Variants in PCDHGA1 observed in about 807,000 individuals in gnomAD.
The protein encoded by PCDHGA1 is protocadherin gamma-A1.
In PCDHGA1, 32 loss-of-function variants were observed where a neutral mutation model predicts 58.0. The observed-to-expected ratio is 0.55, with a 90% CI of 0.42 to 0.74. The LOEUF (loss-of-function observed/expected upper bound fraction) is 0.74. Among genes scored for constraint, PCDHGA1 ranks in the 30% least tolerant of loss-of-function variants. PCDHGA1 has a pLI of 0.00. For missense variants in PCDHGA1, 1,205 were observed against 1,182.3 expected (o/e 1.02, Z -0.28); for synonymous variants, 498 against 501.1 (o/e 0.99, Z 0.08).
chr5:141,502,475 A>G (rs1246548191), intron 2 of PCDHGA1, among the ~76,000 whole-genome samples: 1 of 150,884 alleles, frequency 6.6e-6, no homozygotes, highest in Non-Finnish European at 1.5e-5. Context: ...TTCCCGCAGC[A>G]TCACACTGGG....
intron 1 of PCDHGA1, chr5:141,423,597 G>A: frequency 6.2e-7 from 1 of 1,613,188 alleles, no homozygotes; most frequent in Non-Finnish European, 8.5e-7. Context: ...AGAAAAGCGA[G>A]CCACTCTTGA....
chr5:141,339,115 C>A, intron 1 of PCDHGA1: 1 of 1,614,234 alleles, frequency 6.2e-7, no homozygotes, highest in Non-Finnish European at 8.5e-7. Context: ...TAGGCAACAT[C>A]GCCAAGGACT....
At chr5:141,467,748 G>A (rs186276272) in intron 1 of PCDHGA1, among the ~76,000 whole-genome samples, 22 of 151,912 alleles carry the variant, frequency 1.4e-4, no homozygotes, top group South Asian at 2.1e-4. Context: ...TGCAACCTCC[G>A]CCTCACATGC....
chr5:141,485,539 G>C lies in PCDHGA1; in HGVS notation c.2422-9268G>C, dbSNP rs370323886. The C allele has an allele frequency of 9.9e-6, 16 of 1,613,986 alleles. No homozygotes were observed. In the African/African-American group the frequency reaches 2.0e-4, roughly 20 times the overall value. On this transcript the variant is annotated intron_variant, in intron 1 of 3. Transcript: ENST00000517417. This position sits in a 1 kb window ranked among gnomAD's most constrained non-coding sequence, Gnocchi z 5.7. ...TGGAAATGTACCGAGCAGAGGTAGA[G>C]ATCGTAGATGTGAATGATCACGCCC... is the stretch of plus-strand genomic sequence containing the variant.
At chr5:141,444,115 AG>A (rs1206374963) in intron 1 of PCDHGA1, among the ~76,000 whole-genome samples, 3 of 147,326 alleles carry the variant, frequency 2.0e-5, no homozygotes, top group Admixed American at 2.0e-4. Context: ...AGAAAAGTGA[AG>A]TATCTCAACA....
intron 1 of PCDHGA1, among the ~76,000 whole-genome samples, chr5:141,358,064 C>T (rs1760807784): frequency 6.6e-6 from 1 of 152,118 alleles, no homozygotes; most frequent in African/African-American, 2.4e-5. Flanking sequence ...GTGGTGTGTG[C>T]CCGTAGTCCC....
intron 1 of PCDHGA1, chr5:141,352,602 C>T (rs759443418): frequency 6.2e-7 from 1 of 1,613,658 alleles, no homozygotes; most frequent in South Asian, 1.1e-5. Context: ...TGTGATGATC[C>T]TTCTATGGTT....
intron 1 of PCDHGA1, among the ~76,000 whole-genome samples, chr5:141,443,876 G>C (rs2098409251): frequency 6.6e-6 from 1 of 152,152 alleles, no homozygotes; most frequent in South Asian, 2.1e-4. Flanking sequence ...TTACTGATAA[G>C]TCAAGAGAAA....
intron 1 of PCDHGA1, chr5:141,403,538 C>T (rs781129314): frequency 1.5e-5 from 24 of 1,613,874 alleles, no homozygotes; most frequent in Non-Finnish European, 1.5e-5. Flanking sequence ...AGAGCTGGTG[C>T]TGGAGCGCGC....
intron 1 of PCDHGA1, among the ~76,000 whole-genome samples, chr5:141,438,579 CATACATACATACAT>C (rs1434774868): frequency 9.0e-5 from 5 of 55,782 alleles, no homozygotes; most frequent in Admixed American, 2.8e-4. Context: ...GATATACATA[CATACATACATACAT>C]ATATATATAT....
chr5:141,391,797 A>G (rs1283933191), intron 1 of PCDHGA1: 1 of 152,180 alleles, frequency 6.6e-6, no homozygotes, highest in African/African-American at 2.4e-5. Context: ...AGTTTTTTAG[A>G]TCAAAGTGTT....
intron 3 of PCDHGA1, among the ~76,000 whole-genome samples, chr5:141,506,429 A>G (rs1406730781): frequency 7.0e-6 from 1 of 143,144 alleles, no homozygotes; most frequent in Non-Finnish European, 1.5e-5. Flanking sequence ...CCTGGGCAAC[A>G]GTCTCGCTCT....
intron 1 of PCDHGA1, chr5:141,395,105 G>T: frequency 1.9e-6 from 3 of 1,614,220 alleles, no homozygotes; most frequent in Non-Finnish European, 2.5e-6. Context: ...CCGACTCGCG[G>T]AAGAGTCACC....
At chr5:141,392,945 C>A in intron 1 of PCDHGA1, 2 of 1,613,916 alleles carry the variant, frequency 1.2e-6, no homozygotes, top group Non-Finnish European at 1.7e-6. Flanking sequence ...AAGGCTCCTT[C>A]GTGGGTAATA....
rs368925514 is a variant in PCDHGA1, at chr5:141,352,224, C to A, written c.2421+19119C>A. The A allele has an allele frequency of 2.0e-4, 321 of 1,613,974 alleles. No homozygotes were observed. Among genetic ancestry groups the A allele is most frequent in the Non-Finnish European group, 2.7e-4 (316 of 1,179,916 alleles). ...CAGCCGCCACTCTCCGCCACCGCCA[C>A]GCTGCACCTAATCTTCGCGGATAGC... On this transcript the variant is annotated intron_variant, in intron 1 of 3. Coordinates refer to ENST00000517417, the MANE Select transcript of PCDHGA1 (RefSeq NM_018912.3).
rs775270875 is a variant in PCDHGA1 at position 141,410,577 on chromosome 5, A to G, written c.2421+77472A>G. ...TCTCCTGGAGCCTTAATTCCACCTCATGGTGGGGAGGATTTGACTTCACAT... is the reference window on the plus strand; with the variant it reads ...TCTCCTGGAGCCTTAATTCCACCTCGTGGTGGGGAGGATTTGACTTCACAT... On this transcript the variant is annotated intron_variant, in intron 1 of 3. Coordinates refer to ENST00000517417, the MANE Select transcript of PCDHGA1 (RefSeq NM_018912.3). 4 of 1,610,116 alleles carry G rather than the reference A, an allele frequency of 2.5e-6. No homozygotes were observed. In the Admixed American group the frequency reaches 5.0e-5, roughly 20 times the overall value.
chr5:141,485,134 C>G lies in PCDHGA1; in HGVS notation c.2422-9673C>G, dbSNP rs967744072. 1.3e-6 allele frequency: 2 copies of G among 1,495,962 alleles called. No individual in the cohort carries two copies. Among genetic ancestry groups the G allele is most frequent in the South Asian group, 2.4e-5 (2 of 84,482 alleles). 92.7% of individuals were successfully genotyped at this position (1,495,962 alleles called of 1,614,324 possible). ...CTGTTTGGGGCGGGTCGGCTTCATC[C>G]GCGTCTCAGGAGCAAGTAGAGAATT... On this transcript the variant is annotated intron_variant, in intron 1 of 3. Transcript: ENST00000517417. The surrounding 1 kb of genome is among the most constrained non-coding windows in gnomAD (Gnocchi z 5.7).
In PCDHGA1 at chr5:141,511,251, A is replaced by T. The variant is rs780892899; in HGVS notation, c.*78A>T. 2.0e-5 allele frequency: 32 copies of T among 1,571,672 alleles called. No homozygotes were observed. Among genetic ancestry groups the T allele is most frequent in the Non-Finnish European group, 2.6e-5 (30 of 1,158,828 alleles). ...TTCTCCTTACCTGCACCCAGGCCTC[A>T]GAGTTTCAGGGCTAACCCCCAGAAT... On this transcript the variant is annotated 3_prime_UTR_variant, in exon 4 of 4. Transcript: ENST00000517417.
rs142995927 is a variant in PCDHGA1, at chr5:141,489,933, C to T, written c.2422-4874C>T. 38 of 1,614,064 alleles carry T rather than the reference C, an allele frequency of 2.4e-5. No homozygotes were observed. The highest frequency in any genetic ancestry group is 1.8e-4 in the South Asian group (16 of 91,084). On this transcript the variant is annotated intron_variant, in intron 1 of 3. Transcript: ENST00000517417. This position sits in a 1 kb window ranked among gnomAD's most constrained non-coding sequence, Gnocchi z 4.5. ...CAGGGACCACCCTTATCTCTGTCAT[C>T]GTGCTGGACATCAATGATAATGCTC...
Sources: gnomAD v4.1 joint callset for allele counts (sites outside exome capture counted in the v4.1 genomes callset) on GRCh38, gnomAD v4.1.1 for gene constraint, Gnocchi (gnomAD v3.1) non-coding constraint, MANE v1.5 for transcripts, NCBI Gene and HGNC (gene_info 2026-07-23, HGNC 2026-07-21) for gene names.